Variants in SAMD4B observed in about 807,000 individuals in gnomAD.
SAMD4B encodes the protein sterile alpha motif domain containing 4B, also known as protein Smaug homolog 2.
Under a neutral mutation model 74.5 loss-of-function variants are expected in SAMD4B, and 5 were observed. The ratio of observed to expected loss-of-function variants is 0.07; its 90% confidence interval spans 0.04 to 0.14. The LOEUF is 0.14. SAMD4B is among the 10% of genes least tolerant of loss of function. The pLI, the probability that SAMD4B is intolerant of heterozygous loss-of-function variation, is 1.00. For synonymous variants in SAMD4B, 373 were observed against 374.9 expected (o/e 1.00, Z 0.06); for missense variants, 608 against 921.8 (o/e 0.66, Z 4.41).
downstream of SAMD4B, among the ~76,000 whole-genome samples, chr19:39,388,066 A>G (rs1292969087): frequency 2.0e-5 from 3 of 152,168 alleles, no homozygotes; most frequent in Admixed American, 6.5e-5. Context: ...ACTTGAACCC[A>G]GGAAGCGGAG....
In SAMD4B at chr19:39,353,995, C is replaced by A. The variant is rs1301282211; in HGVS notation, c.-266-11C>A. The A allele has an allele frequency of 6.6e-6, 1 of 152,206 alleles. No individual in the cohort carries two copies. The allele number at this position is 152,206 out of a possible 1,614,324, so 9.4% of individuals were successfully genotyped here. A position where few individuals can be genotyped will look rare whatever the true frequency, so the allele number is the denominator to read the frequency against. ...TTCCCCATTAATGGATATTCCCATT[C>A]ATTTCTTCAGGATTCTTCTCATCGC... On this transcript the variant is annotated splice_polypyrimidine_tract_variant and intron_variant, in intron 1 of 13. Transcript: ENST00000610417.
chr19:39,385,768 C>G (rs1452738254), downstream of SAMD4B: 1 of 637,790 alleles, frequency 1.6e-6, no homozygotes, highest in Non-Finnish European at 2.7e-6. Flanking sequence ...TGTTTCTAAG[C>G]CTCAAGCCAA....
chr19:39,369,754 C>G lies in SAMD4B; in HGVS notation c.296C>G (p.Ser99Trp). The G allele has an allele frequency of 6.2e-7, 1 of 1,614,194 alleles. No homozygotes were observed. The highest frequency in any genetic ancestry group is 8.5e-7 in the Non-Finnish European group (1 of 1,180,038). ...LLQPGNTEAKSEYMRLLQKVL... is the reference protein window; with the variant it reads ...LLQPGNTEAKWEYMRLLQKVL... Reference sequence around the variant, plus strand: ...CAGCCAGGCAACACAGAGGCCAAGTCGGAGTACATGAGGCTACTGCAGAAA... The same window carrying G: ...CAGCCAGGCAACACAGAGGCCAAGTGGGAGTACATGAGGCTACTGCAGAAA... The change falls in exon 4 of 14, where the codon TCG becomes TGG. Residue 99 changes from serine to tryptophan, a missense_variant. Ser to Trp is a radical substitution (Grantham distance 177). This residue lies in a region of SAMD4B where 74 missense variants were observed against 182.0 expected (regional missense o/e 0.41). Coordinates refer to ENST00000610417, the MANE Select transcript of SAMD4B (RefSeq NM_001384574.2).
chr19:39,371,611 G>A (rs1422168496), intron 4 of SAMD4B, among the ~76,000 whole-genome samples: 6 of 152,170 alleles, frequency 3.9e-5, no homozygotes, highest in African/African-American at 1.4e-4. Flanking sequence ...GAGGTCAGGA[G>A]TTCGAGACCA....
At chr19:39,379,697 A>C (rs373826422) in intron 9 of SAMD4B, among the ~76,000 whole-genome samples, 2 of 152,096 alleles carry the variant, frequency 1.3e-5, no homozygotes, top group African/African-American at 2.4e-5. Flanking sequence ...CAGCCTCCCA[A>C]GTATCTGGGA....
chr19:39,369,632 A>G, intron 3 of SAMD4B, 23 bp from the exon 4 acceptor site: 4 of 1,603,808 alleles, frequency 2.5e-6, no homozygotes, highest in Non-Finnish European at 3.4e-6. Flanking sequence ...CTCTCCTGAT[A>G]TTTCTTCTTA....
At position 39,380,510 on chromosome 19, in the gene SAMD4B, TTGGGGAAGG is replaced by T; in HGVS notation, c.1650-74_1650-66del. On this transcript the variant is annotated intron_variant, in intron 10 of 13. Coordinates refer to ENST00000610417, the MANE Select transcript of SAMD4B (RefSeq NM_001384574.2). ...TGTTCTCTCCTACAACTTGGGGTTG[TTGGGGAAGG>T]TGAGGAAGGGGTGGACAGATAGGCC... is the stretch of plus-strand genomic sequence containing the variant. 4 of 1,458,906 alleles carry T rather than the reference TTGGGGAAGG, an allele frequency of 2.7e-6. No homozygotes were observed. The South Asian group carries it at 4.5e-5, about 17-fold the overall frequency. 90.4% of individuals were successfully genotyped at this position (1,458,906 alleles called of 1,614,324 possible). A position where few individuals can be genotyped will look rare whatever the true frequency, so the allele number is the denominator to read the frequency against.
intron 6 of SAMD4B, 64 bp from the exon 7 acceptor site, chr19:39,376,640 TG>T (rs2077614568): frequency 6.3e-7 from 1 of 1,589,822 alleles, no homozygotes; most frequent in Non-Finnish European, 8.6e-7. Context: ...GATCTCTATT[TG>T]GGTACCCCCA....
chr19:39,388,555 C>T, downstream of SAMD4B: 7 of 1,613,558 alleles, frequency 4.3e-6, no homozygotes, highest in East Asian at 2.2e-5. Context: ...CCGCAACCCA[C>T]GCACACATCA....
rs1405736370 is a variant in SAMD4B at position 39,383,359 on chromosome 19, C to A, written c.2056+68C>A. The stretch of plus-strand genomic sequence containing the variant: ...GCGTCTCTGCCTCTGAACTGAGCAA[C>A]TCAGAGTCATCCTGAGGGGTCCCCA... On this transcript the variant is annotated intron_variant, in intron 13 of 13. Coordinates refer to ENST00000610417, the MANE Select transcript of SAMD4B (RefSeq NM_001384574.2). This position sits in a 1 kb window ranked among gnomAD's most constrained non-coding sequence, Gnocchi z 4.1. 1 of 1,582,538 alleles carries A rather than the reference C, an allele frequency of 6.3e-7. No individual in the cohort carries two copies. The highest frequency in any genetic ancestry group is 1.3e-5 in the African/African-American group (1 of 74,274).
chr19:39,389,269 G>C (rs767082702), downstream of SAMD4B: 11 of 1,611,346 alleles, frequency 6.8e-6, no homozygotes, highest in Non-Finnish European at 9.3e-6. The surrounding 1 kb of genome is among the most constrained non-coding windows in gnomAD (Gnocchi z 5.3). Flanking sequence ...CTCTCTTCCT[G>C]TTAGTAACTT....
At chr19:39,379,395 A>C (rs902742951) in intron 9 of SAMD4B, among the ~76,000 whole-genome samples, 1 of 152,052 alleles carries the variant, frequency 6.6e-6, no homozygotes. Flanking sequence ...CACCTTTACC[A>C]ACCCCTCATT....
intron 12 of SAMD4B, among the ~76,000 whole-genome samples, chr19:39,382,842 A>G (rs889578425): frequency 2.6e-5 from 4 of 152,164 alleles, no homozygotes; most frequent in Non-Finnish European, 4.4e-5. Flanking sequence ...CAGGTCTTCA[A>G]TCAGGGAGCC....
downstream of SAMD4B, chr19:39,386,258 C>G: frequency 6.2e-7 from 1 of 1,614,184 alleles, no homozygotes; most frequent in Non-Finnish European, 8.5e-7. This position sits in a 1 kb window ranked among gnomAD's most constrained non-coding sequence, Gnocchi z 6.1. Context: ...CAGCCCGGGC[C>G]TCATCCTCGC....
chr19:39,381,028 G>T lies in SAMD4B; in HGVS notation c.1887G>T (p.Met629Ile), dbSNP rs1337243727. 1 of 1,612,778 alleles carries T rather than the reference G, an allele frequency of 6.2e-7. No homozygotes were observed. The highest frequency in any genetic ancestry group is 2.2e-5 in the East Asian group (1 of 44,886). Residue 629 changes from methionine to isoleucine, a missense_variant, in exon 12 of 14, where the codon ATG (methionine) becomes ATT (isoleucine). This residue lies in a region of SAMD4B where 167 missense variants were observed against 193.0 expected (regional missense o/e 0.87). Coordinates refer to ENST00000610417, the MANE Select transcript of SAMD4B (RefSeq NM_001384574.2). ...CCAACCCTGGAGGCAGCAACAGCATGCCCAGTCAGAGCCGCAGCTCTGTGC... is the reference window on the plus strand; with the variant it reads ...CCAACCCTGGAGGCAGCAACAGCATTCCCAGTCAGAGCCGCAGCTCTGTGC... ...WFANPGGSNS[M>I]PSQSRSSVQR... is the part of the protein sequence containing the mutation.
chr19:39,383,149 C>T lies in SAMD4B; in HGVS notation c.1973-59C>T. On this transcript the variant is annotated intron_variant, in intron 12 of 13. Transcript: ENST00000610417. The surrounding 1 kb of genome is among the most constrained non-coding windows in gnomAD (Gnocchi z 4.1). ...ATACCAGCATCCTTTGTCATCCCAG[C>T]TGTCTTCACCTGAGTCCAGTTGGTC... is the stretch of plus-strand genomic sequence containing the variant. The T allele has an allele frequency of 7.5e-7, 1 of 1,338,258 alleles. No homozygotes were observed. Among genetic ancestry groups the T allele is most frequent in the Non-Finnish European group, 1.1e-6 (1 of 928,182 alleles). The allele number at this position is 1,338,258 out of a possible 1,614,324, so 82.9% of individuals were successfully genotyped here. A position where few individuals can be genotyped will look rare whatever the true frequency, so the allele number is the denominator to read the frequency against.
rs2077166695 is a variant in SAMD4B at position 39,369,532 on chromosome 19, T to G, written c.197-123T>G. 8.0e-6 allele frequency: 6 copies of G among 750,700 alleles called. No individual in the cohort carries two copies. In the South Asian group the frequency reaches 9.3e-5, roughly 12 times the overall value. 46.5% of individuals were successfully genotyped at this position (750,700 alleles called of 1,614,324 possible). On this transcript the variant is annotated intron_variant, in intron 3 of 13. Transcript: ENST00000610417. ...ATATGAGGGATAAGTTTGGGAGTTA[T>G]GAAAAGAAAATCGTTATGAAAAGAA...
chr19:39,389,467 G>GCTA (rs759980697), downstream of SAMD4B: 7 of 1,613,830 alleles, frequency 4.3e-6, no homozygotes, highest in East Asian at 1.6e-4. The surrounding 1 kb of genome is among the most constrained non-coding windows in gnomAD (Gnocchi z 5.3). Context: ...GTACCCATTT[G>GCTA]CTACCCACTC....
Position 39,383,657 on chromosome 19 carries a change from T to C in SAMD4B, c.*130T>C. On this transcript the variant is annotated 3_prime_UTR_variant, in exon 14 of 14. Transcript: ENST00000610417. The surrounding 1 kb of genome is among the most constrained non-coding windows in gnomAD (Gnocchi z 4.1). ...TATATTCTAATATTTTTCTACTCTC[T>C]TACCCTCTTAACTTTTGTTTAACAT... 1 of 1,588,802 alleles carries C rather than the reference T, an allele frequency of 6.3e-7. No homozygotes were observed. The highest frequency in any genetic ancestry group is 8.5e-7 in the Non-Finnish European group (1 of 1,169,936).
Sources: allele counts gnomAD v4.1 joint callset (sites outside exome capture counted in the v4.1 genomes callset), GRCh38; gene constraint gnomAD v4.1.1; regional missense constraint gnomAD v4.1.1; non-coding constraint Gnocchi (gnomAD v3.1); transcripts MANE v1.5; gene names NCBI Gene and HGNC (gene_info 2026-07-23, HGNC 2026-07-21).